POGZ: variants seen among roughly 807,000 people sequenced by gnomAD.
POGZ encodes pogo transposable element with ZNF domain.
In POGZ, 17 loss-of-function variants were observed where a neutral mutation model predicts 134.6. That is an observed-to-expected ratio of 0.13 (90% confidence interval 0.09 to 0.19). The LOEUF (loss-of-function observed/expected upper bound fraction) is 0.19. Among genes scored for constraint, POGZ ranks in the 10% least tolerant of loss-of-function variants. The pLI is 1.00. For synonymous variants in POGZ, 693 were observed against 657.1 expected (o/e 1.05, Z -0.84); for missense variants, 1,306 against 1,769.7 (o/e 0.74, Z 4.70).
intron 10 of POGZ, among the ~76,000 whole-genome samples, chr1:151,423,025 AATATTATCTTTTAGCCTACAT>A (rs1657201803): frequency 6.6e-6 from 1 of 152,258 alleles, no homozygotes; most frequent in South Asian, 2.1e-4. Context: ...AGTACTTCAC[AATATTATCTTTTAGCCTACAT>A]AAAACCTATC....
intron 10 of POGZ, among the ~76,000 whole-genome samples, chr1:151,420,693 T>C (rs539367472): frequency 6.6e-6 from 1 of 152,228 alleles, no homozygotes; most frequent in East Asian, 1.9e-4. Flanking sequence ...GCAACATGTA[T>C]CTAGTGAACA....
chr1:151,458,589 C>T (rs1284421694), intron 1 of POGZ, among the ~76,000 whole-genome samples: 1 of 149,648 alleles, frequency 6.7e-6, no homozygotes, highest in Non-Finnish European at 1.5e-5. Context: ...CACCCCCACC[C>T]CCAGGGGCCG....
At chr1:151,443,703 A>G (rs1187044581) in intron 1 of POGZ, among the ~76,000 whole-genome samples, 2 of 152,184 alleles carry the variant, frequency 1.3e-5, no homozygotes, top group African/African-American at 2.4e-5. Flanking sequence ...AACAACAGCG[A>G]AAGTCCATCT....
At chr1:151,409,870 G>A (rs1654360334) in intron 12 of POGZ, among the ~76,000 whole-genome samples, 1 of 152,184 alleles carries the variant, frequency 6.6e-6, no homozygotes. Context: ...TAGTATTGAA[G>A]TCCTTCAAAA....
chr1:151,451,365 T>C (rs1662053497), intron 1 of POGZ, among the ~76,000 whole-genome samples: 1 of 151,944 alleles, frequency 6.6e-6, no homozygotes, highest in Admixed American at 6.6e-5. Context: ...TCACTCTTGT[T>C]GCCCAGGCTG....
chr1:151,455,770 G>C (rs892027154), intron 1 of POGZ, among the ~76,000 whole-genome samples: 1 of 152,068 alleles, frequency 6.6e-6, no homozygotes, highest in African/African-American at 2.4e-5. Flanking sequence ...TCAGTCTGTT[G>C]CTATATGTAG....
intron 7 of POGZ, chr1:151,427,202 C>T (rs1657937302): frequency 6.6e-6 from 1 of 152,634 alleles, no homozygotes; most frequent in Non-Finnish European, 1.5e-5. Context: ...AGCCACTATA[C>T]CTTGCGGTTT....
intron 1 of POGZ, among the ~76,000 whole-genome samples, chr1:151,444,231 G>T (rs903257256): frequency 2.0e-5 from 3 of 152,068 alleles, no homozygotes; most frequent in Non-Finnish European, 4.4e-5. Flanking sequence ...AGATCTAAGG[G>T]ATCAACTTAC....
chr1:151,408,325 A>G, intron 14 of POGZ, 84 bp downstream of exon 14: 1 of 1,573,078 alleles, frequency 6.4e-7, no homozygotes, highest in Admixed American at 1.9e-5. Flanking sequence ...ACCCTGCTAA[A>G]AAGCTACCAG....
intron 10 of POGZ, among the ~76,000 whole-genome samples, chr1:151,418,840 A>G (rs374438111): frequency 1.7e-4 from 26 of 151,772 alleles, no homozygotes; most frequent in African/African-American, 6.0e-4. Flanking sequence ...CCTGGCTAAC[A>G]TGCTGAAACC....
At chr1:151,453,611 A>G (rs1482121583) in intron 1 of POGZ, among the ~76,000 whole-genome samples, 2 of 152,118 alleles carry the variant, frequency 1.3e-5, no homozygotes, top group Admixed American at 6.6e-5. Context: ...TGGTTTCTCT[A>G]TTTTGTAGTA....
At chr1:151,421,694 T>A (rs897980997) in intron 10 of POGZ, among the ~76,000 whole-genome samples, 3 of 152,198 alleles carry the variant, frequency 2.0e-5, no homozygotes, top group Non-Finnish European at 2.9e-5. Flanking sequence ...GGCAGTCAAA[T>A]TCTAGGCTGA....
rs79814829 is a variant in POGZ, at chr1:151,429,124, T to TA, written c.568+478dup. On this transcript the variant is annotated intron_variant, in intron 5 of 18. Transcript: ENST00000271715. ...AAAAAAATTATCCTTCTCAGAATCTTAAAAAAAAAAAAAACTATCTAGCAG... is the reference window on the plus strand; with the variant it reads ...AAAAAAATTATCCTTCTCAGAATCTTAAAAAAAAAAAAAAACTATCTAGCAG... 8.0e-3 allele frequency among the ~76,000 whole-genome samples: 1,153 copies of TA among 143,516 alleles called. 13 individuals carry two copies. The highest frequency in any genetic ancestry group is 0.026 in the African/African-American group (1,010 of 38,650). The allele number at this position is 143,516 out of a possible 152,430, so 94.2% of individuals were successfully genotyped here.
Position 151,408,249 on chromosome 1 carries a change from G to GA in POGZ, c.2235-10dup, listed in dbSNP as rs112072925. ...GCCGGCCCATGACACTCCTGTGGGG[G>GA]AAAAAAAAAAAGAATTCTCATTACT... On this transcript the variant is annotated splice_polypyrimidine_tract_variant and intron_variant, in intron 14 of 18. Transcript: ENST00000271715. The GA allele has an allele frequency of 0.013, 14,437 of 1,128,646 alleles. No individual in the cohort carries two copies. The highest frequency in any genetic ancestry group is 0.016 in the South Asian group (1,011 of 61,312). The allele number at this position is 1,128,646 out of a possible 1,614,324, so 69.9% of individuals were successfully genotyped here. A position where few individuals can be genotyped will look rare whatever the true frequency, so the allele number is the denominator to read the frequency against.
chr1:151,416,706 C>A (rs1327293387), intron 10 of POGZ, among the ~76,000 whole-genome samples: 9 of 149,322 alleles, frequency 6.0e-5, no homozygotes, highest in African/African-American at 2.2e-4. Context: ...TCACTGCTGG[C>A]TCGACTTGCT....
chr1:151,420,129 A>G (rs929304678), intron 10 of POGZ, among the ~76,000 whole-genome samples: 3 of 152,084 alleles, frequency 2.0e-5, no homozygotes, highest in Non-Finnish European at 4.4e-5. Context: ...TCGAGGCTGC[A>G]GTGAGCTAAG....
In POGZ at chr1:151,411,658, G is replaced by A; in HGVS notation, c.1893C>T (p.Gly631=). ...CPYCLKVFKN[G]NAFQQHYMRH... ...TCATGTAATGCTGTTGGAATGCATT[G>A]CCATTTTTGAAGACCTTCAGGCAAT... Residue 631 remains glycine, a synonymous_variant, in exon 12 of 19, where the codon GGC becomes GGT. Transcript: ENST00000271715. The A allele has an allele frequency of 6.2e-7, 1 of 1,612,700 alleles. No homozygotes were observed. The highest frequency in any genetic ancestry group is 8.5e-7 in the Non-Finnish European group (1 of 1,179,372).
chr1:151,432,911 A>G (rs1658933416), intron 3 of POGZ, among the ~76,000 whole-genome samples: 2 of 152,248 alleles, frequency 1.3e-5, no homozygotes, highest in Admixed American at 1.3e-4. Context: ...AAATGTTTGC[A>G]AAGTGCAACT....
intron 10 of POGZ, among the ~76,000 whole-genome samples, chr1:151,418,160 G>A (rs1022863824): frequency 1.3e-5 from 2 of 151,766 alleles, no homozygotes; most frequent in Non-Finnish European, 2.9e-5. Context: ...AGGTTGTGGT[G>A]AGCCAAGATT....
Sources: gnomAD v4.1 joint callset for allele counts (sites outside exome capture counted in the v4.1 genomes callset) on GRCh38, gnomAD v4.1.1 for gene constraint, MANE v1.5 for transcripts, NCBI Gene and HGNC (gene_info 2026-07-23, HGNC 2026-07-21) for gene names.